ANKRD6: variants seen among roughly 807,000 people sequenced by gnomAD.
ANKRD6 encodes the protein ankyrin repeat domain 6.
ANKRD6 carries 56 observed loss-of-function variants against 82.3 expected under a neutral mutation model. That is an observed-to-expected ratio of 0.68 (90% CI 0.55 to 0.85). The LOEUF (loss-of-function observed/expected upper bound fraction) is 0.85. Among genes scored for constraint, ANKRD6 ranks in the 40% least tolerant of loss-of-function variants. The pLI is 0.00. For synonymous variants in ANKRD6, 347 were observed against 352.1 expected (o/e 0.99, Z 0.16); for missense variants, 852 against 907.6 (o/e 0.94, Z 0.79).
intron 1 of ANKRD6, among the ~76,000 whole-genome samples, chr6:89,449,943 G>T (rs1027863772): frequency 6.6e-6 from 1 of 152,154 alleles, no homozygotes; most frequent in Non-Finnish European, 1.5e-5. Flanking sequence ...AGTTGATAAA[G>T]CAACCACTGG....
At chr6:89,444,559 A>G (rs144487528) in intron 1 of ANKRD6, among the ~76,000 whole-genome samples, 184 of 152,358 alleles carry the variant, frequency 1.2e-3, no homozygotes, top group Non-Finnish European at 1.9e-3. Flanking sequence ...ACTTTGAAAT[A>G]TAAGTAAACA....
intron 2 of ANKRD6, among the ~76,000 whole-genome samples, chr6:89,591,028 A>C (rs191327718): frequency 2.6e-5 from 4 of 152,318 alleles, no homozygotes; most frequent in African/African-American, 9.6e-5. Flanking sequence ...AGGTTGAGTT[A>C]AGCTGAACTG....
Position 89,478,888 on chromosome 6 carries a change from C to T in ANKRD6, c.-144+45513C>T, listed in dbSNP as rs1343713187. 3.3e-5 allele frequency among the ~76,000 whole-genome samples: 5 copies of T among 151,910 alleles called. No individual in the cohort carries two copies. In the East Asian group the frequency reaches 9.7e-4, roughly 29 times the overall value. On this transcript the variant is annotated intron_variant, in intron 1 of 15. Transcript: ENST00000339746. Reference sequence around the variant, plus strand: ...GCCATTTACAAGCTAAGAAGAGGGGCCTGAAAAGATGTTTCCCTCACAGCC... The same window carrying T: ...GCCATTTACAAGCTAAGAAGAGGGGTCTGAAAAGATGTTTCCCTCACAGCC...
At chr6:89,603,171 C>A (rs774996671) in intron 4 of ANKRD6, 44 bp downstream of exon 4, 1 of 1,552,022 alleles carries the variant, frequency 6.4e-7, no homozygotes. Context: ...GCAAGGGAAG[C>A]CAGTGGCTCA....
At chr6:89,602,237 G>A (rs1797356361) in intron 3 of ANKRD6, 1 of 152,138 alleles carries the variant, frequency 6.6e-6, no homozygotes, top group Non-Finnish European at 1.5e-5. Flanking sequence ...AGAGATAAAG[G>A]GTGCTCTTAG....
At chr6:89,629,004 C>A in intron 14 of ANKRD6, 108 bp from the exon 15 acceptor site, 1 of 1,259,044 alleles carries the variant, frequency 7.9e-7, no homozygotes, top group South Asian at 1.5e-5. Flanking sequence ...GTATCCTCAA[C>A]TGTTATAATT....
intron 1 of ANKRD6, among the ~76,000 whole-genome samples, chr6:89,539,307 C>T (rs1784201060): frequency 3.3e-5 from 5 of 152,056 alleles, no homozygotes; most frequent in Admixed American, 2.6e-4. Context: ...AAGCATACCT[C>T]TGTGAGACTG....
At chr6:89,474,001 T>A (rs1420463420) in intron 1 of ANKRD6, among the ~76,000 whole-genome samples, 1 of 151,960 alleles carries the variant, frequency 6.6e-6, no homozygotes, top group Admixed American at 6.6e-5. Context: ...AAAACAAAAA[T>A]TTTCAATTTG....
intron 1 of ANKRD6, among the ~76,000 whole-genome samples, chr6:89,441,405 G>T (rs543419397): frequency 2.6e-5 from 4 of 152,012 alleles, no homozygotes; most frequent in African/African-American, 9.7e-5. Context: ...TGCCTGCCTC[G>T]GCCTCCCAAA....
intron 3 of ANKRD6, among the ~76,000 whole-genome samples, chr6:89,599,062 G>T (rs559779944): frequency 6.6e-6 from 1 of 152,140 alleles, no homozygotes; most frequent in South Asian, 2.1e-4. Context: ...ATTAGACTTG[G>T]CACACAGTAG....
intron 2 of ANKRD6, among the ~76,000 whole-genome samples, chr6:89,594,227 C>T (rs186634289): frequency 4.7e-4 from 71 of 152,202 alleles, no homozygotes; most frequent in Admixed American, 9.8e-4. Context: ...CCGAGGCAGG[C>T]GGATCACTTG....
chr6:89,571,207 A>C (rs1789815273), intron 2 of ANKRD6, among the ~76,000 whole-genome samples: 1 of 151,700 alleles, frequency 6.6e-6, no homozygotes, highest in Non-Finnish European at 1.5e-5. Context: ...GCCCGCCATG[A>C]TGCCTGGCTA....
intron 1 of ANKRD6, among the ~76,000 whole-genome samples, chr6:89,455,788 C>T (rs908476038): frequency 2.0e-5 from 3 of 152,136 alleles, no homozygotes; most frequent in African/African-American, 7.2e-5. Flanking sequence ...GCTGATATTG[C>T]CATGCTTCCT....
At chr6:89,577,286 G>A (rs1325417676) in intron 2 of ANKRD6, among the ~76,000 whole-genome samples, 1 of 152,082 alleles carries the variant, frequency 6.6e-6, no homozygotes, top group Non-Finnish European at 1.5e-5. Context: ...GGCTCATTAT[G>A]CCTCCTAACT....
At chr6:89,509,805 A>T (rs1780316814) in intron 1 of ANKRD6, among the ~76,000 whole-genome samples, 1 of 152,222 alleles carries the variant, frequency 6.6e-6, no homozygotes, top group Non-Finnish European at 1.5e-5. Flanking sequence ...AGGTCAAGTT[A>T]ACTTCTCCCA....
chr6:89,435,748 T>G (rs1770563756), intron 1 of ANKRD6, among the ~76,000 whole-genome samples: 1 of 152,224 alleles, frequency 6.6e-6, no homozygotes, highest in African/African-American at 2.4e-5. Context: ...AACAGTAATT[T>G]GGGTGCGTGC....
chr6:89,603,234 A>G, intron 4 of ANKRD6, 107 bp downstream of exon 4: 1 of 854,972 alleles, frequency 1.2e-6, no homozygotes, highest in South Asian at 1.7e-5. Context: ...AGGTATTATA[A>G]TTCCTGTCTT....
chr6:89,476,874 C>T (rs1776093962), intron 1 of ANKRD6, among the ~76,000 whole-genome samples: 1 of 152,178 alleles, frequency 6.6e-6, no homozygotes, highest in African/African-American at 2.4e-5. Flanking sequence ...TTGTGAACAA[C>T]ATTCATTTTT....
intron 6 of ANKRD6, 123 bp downstream of exon 6, chr6:89,612,493 T>C: frequency 9.9e-7 from 1 of 1,011,104 alleles, no homozygotes; most frequent in East Asian, 2.8e-5. Context: ...TTGGGGACTA[T>C]CTCTAAAGTG....
Sources: allele counts gnomAD v4.1 joint callset (sites outside exome capture counted in the v4.1 genomes callset), GRCh38; gene constraint gnomAD v4.1.1; transcripts MANE v1.5; gene names NCBI Gene and HGNC (gene_info 2026-07-23, HGNC 2026-07-21).